Variants in LGALS13 observed in about 807,000 individuals in gnomAD.
The protein encoded by LGALS13 is galectin 13.
LGALS13 carries 11 observed loss-of-function variants against 13.2 expected under a neutral mutation model. The observed-to-expected ratio is 0.83, with a 90% CI of 0.52 to 1.38. The LOEUF is 1.38. Among genes scored for constraint, LGALS13 ranks in the 40% most tolerant of loss-of-function variants. The pLI is 0.00. For missense variants in LGALS13, 183 were observed against 174.3 expected (o/e 1.05, Z -0.28); for synonymous variants, 71 against 63.7 (o/e 1.11, Z -0.54).
At chr19:39,606,131 GCCA>G (rs1391023086) in intron 3 of LGALS13, among the ~76,000 whole-genome samples, 1 of 152,172 alleles carries the variant, frequency 6.6e-6, no homozygotes, top group Non-Finnish European at 1.5e-5. Flanking sequence ...ACAGGCTTAA[GCCA>G]CCATGCCCAG....
chr19:39,607,221 A>G lies in LGALS13; in HGVS notation c.304-2A>G, dbSNP rs1972704265. Reference sequence around the variant, plus strand: ...CTTTCTGATGCATTTTTCCTCTTGTAGATAAAGGTCAATGGCATACGCATT... The same window carrying G: ...CTTTCTGATGCATTTTTCCTCTTGTGGATAAAGGTCAATGGCATACGCATT... On this transcript the variant is annotated splice_acceptor_variant, in intron 3 of 3. Coordinates refer to ENST00000221797, the MANE Select transcript of LGALS13 (RefSeq NM_013268.3). LOFTEE classifies it high-confidence loss of function. 1 of 1,611,226 alleles carries G rather than the reference A, an allele frequency of 6.2e-7. No individual in the cohort carries two copies.
Position 39,602,537 on chromosome 19 carries a change from C to G in LGALS13, c.-32C>G. ...AGAGATTCACTCAGAAGACTGGACT[C>G]AATTCTGAAGGTCGCCAAGAAGGAG... is the stretch of plus-strand genomic sequence containing the variant. On this transcript the variant is annotated 5_prime_UTR_variant, in exon 1 of 4. Coordinates refer to ENST00000221797, the MANE Select transcript of LGALS13 (RefSeq NM_013268.3). 6.2e-7 allele frequency: 1 copy of G among 1,611,916 alleles called. No homozygotes were observed. Among genetic ancestry groups the G allele is most frequent in the Non-Finnish European group, 8.5e-7 (1 of 1,177,984 alleles).
At position 39,605,379 on chromosome 19, in the gene LGALS13, T is replaced by C; in HGVS notation, c.294T>C (p.Asn98=). 1 of 1,614,082 alleles carries C rather than the reference T, an allele frequency of 6.2e-7. No individual in the cohort carries two copies. Among genetic ancestry groups the C allele is most frequent in the African/African-American group, 1.3e-5 (1 of 75,044 alleles). The change falls in exon 3 of 4, where the codon AAT becomes AAC. Residue 98 remains asparagine (N), a synonymous_variant. Transcript: ENST00000221797. ...QFELCIYVHY[N]EYEIKVNGIR... ...AGCTGTGCATCTACGTACATTACAA[T>C]GAGTATGAGGTGAGCATCCCAGGAG... is the stretch of plus-strand genomic sequence containing the variant.
intron 2 of LGALS13, 73 bp downstream of exon 2, chr19:39,604,751 T>C (rs1262681876): frequency 6.4e-7 from 1 of 1,557,178 alleles, no homozygotes; most frequent in Non-Finnish European, 8.9e-7. Flanking sequence ...ACCTTACATG[T>C]GGGTGATGTG....
At chr19:39,604,882 A>G (rs1296149643) in intron 2 of LGALS13, among the ~76,000 whole-genome samples, 1 of 152,138 alleles carries the variant, frequency 6.6e-6, no homozygotes, top group African/African-American at 2.4e-5. Flanking sequence ...ACAGGAGGAG[A>G]ACACTCAGTG....
chr19:39,604,845 A>G (rs1972658352), intron 2 of LGALS13, among the ~76,000 whole-genome samples, 167 bp downstream of exon 2: 1 of 152,190 alleles, frequency 6.6e-6, no homozygotes, highest in Non-Finnish European at 1.5e-5. Context: ...ACCCACAGCA[A>G]CTGCATGTGG....
intron 1 of LGALS13, among the ~76,000 whole-genome samples, chr19:39,603,073 G>T (rs1972626652): frequency 6.6e-6 from 1 of 152,146 alleles, no homozygotes; most frequent in Non-Finnish European, 1.5e-5. Flanking sequence ...GTTGAAGTGG[G>T]ATCATGCATG....
intron 1 of LGALS13, chr19:39,603,774 C>T (rs1488247178): frequency 1.5e-5 from 3 of 196,042 alleles, no homozygotes; most frequent in Non-Finnish European, 2.8e-5. Context: ...TTCACTGCAG[C>T]CCAGGAGTCT....
chr19:39,607,187 G>A (rs368548473), intron 3 of LGALS13, 36 bp from the exon 4 acceptor site: 2 of 1,498,284 alleles, frequency 1.3e-6, no homozygotes, highest in Middle Eastern at 1.7e-4. Context: ...TTGTTTGGTG[G>A]CATGCTTTCT....
At chr19:39,605,111 G>A (rs917489481) in intron 2 of LGALS13, 67 bp from the exon 3 acceptor site, 2 of 1,277,860 alleles carry the variant, frequency 1.6e-6, no homozygotes, top group African/African-American at 1.5e-5. Context: ...AGGGATTTGT[G>A]TGTGTGTCGA....
At chr19:39,604,070 C>A in intron 1 of LGALS13, 1 of 714,828 alleles carries the variant, frequency 1.4e-6, no homozygotes, top group Non-Finnish European at 1.7e-6. Context: ...TCATTTCCCT[C>A]TCCCTTTCAA....
intron 1 of LGALS13, chr19:39,603,866 A>G (rs1263159752): frequency 2.3e-6 from 2 of 878,710 alleles, no homozygotes; most frequent in African/African-American, 3.6e-5. Flanking sequence ...GTACAGAAAA[A>G]TCATCTCATC....
chr19:39,603,613 A>G (rs1972634913), intron 1 of LGALS13, among the ~76,000 whole-genome samples: 1 of 151,976 alleles, frequency 6.6e-6, no homozygotes, highest in East Asian at 1.9e-4. Flanking sequence ...CCAATTTTGG[A>G]GGCAAAGATG....
At chr19:39,604,190 C>T (rs1427093284) in intron 1 of LGALS13, among the ~76,000 whole-genome samples, 2 of 152,192 alleles carry the variant, frequency 1.3e-5, no homozygotes, top group African/African-American at 4.8e-5. Flanking sequence ...GAGGACTCTC[C>T]TGTCCTGTTA....
chr19:39,603,892 T>G, intron 1 of LGALS13: 1 of 963,840 alleles, frequency 1.0e-6, no homozygotes, highest in Non-Finnish European at 1.2e-6. Context: ...GTAGTCATCA[T>G]AGAAATCAAT....
chr19:39,602,792 G>A (rs1241511037), intron 1 of LGALS13, among the ~76,000 whole-genome samples: 1 of 152,214 alleles, frequency 6.6e-6, no homozygotes, highest in Non-Finnish European at 1.5e-5. Flanking sequence ...AACCTTCGGT[G>A]AGTGTGAGGT....
intron 1 of LGALS13, chr19:39,604,001 T>C: frequency 1.0e-6 from 1 of 985,002 alleles, no homozygotes. Context: ...AGGATGTCCA[T>C]GGCCCTTGAT....
In LGALS13 at chr19:39,602,596, G is replaced by A; in HGVS notation, c.15+13G>A. ...GTCTTCTTTACCCGTGAGTTGAAAA[G>A]GCACAGCCTTCAAAAATTTCGTGTC... is the stretch of plus-strand genomic sequence containing the variant. On this transcript the variant is annotated intron_variant, in intron 1 of 3. Transcript: ENST00000221797. 9 of 1,614,002 alleles carry A rather than the reference G, an allele frequency of 5.6e-6. No homozygotes were observed. Among genetic ancestry groups the A allele is most frequent in the Non-Finnish European group, 7.6e-6 (9 of 1,179,852 alleles).
intron 3 of LGALS13, among the ~76,000 whole-genome samples, 166 bp from the exon 4 acceptor site, chr19:39,607,057 A>G (rs1719805504): frequency 6.6e-6 from 1 of 152,210 alleles, no homozygotes; most frequent in African/African-American, 2.4e-5. Flanking sequence ...GTACTGTCTC[A>G]AATAGGCACA....
Sources: gnomAD v4.1 joint callset for allele counts (sites outside exome capture counted in the v4.1 genomes callset) on GRCh38, gnomAD v4.1.1 for gene constraint, MANE v1.5 for transcripts, NCBI Gene and HGNC (gene_info 2026-07-23, HGNC 2026-07-21) for gene names.